The following BCL2L1 variants were observed in gnomAD, a reference collection of about 807,000 sequenced individuals.
BCL2L1 encodes bcl-2-like protein 1.
Under a neutral mutation model 18.7 loss-of-function variants are expected in BCL2L1, and 1 was observed. The ratio of observed to expected loss-of-function variants is 0.05; its 90% CI spans 0.02 to 0.25. The LOEUF (loss-of-function observed/expected upper bound fraction) is 0.25. BCL2L1 is among the 10% of genes least tolerant of loss of function. The pLI, the probability that BCL2L1 is intolerant of heterozygous loss-of-function variation, is 1.00. For synonymous variants in BCL2L1, 103 were observed against 122.7 expected (o/e 0.84, Z 1.06); for missense variants, 207 against 304.9 (o/e 0.68, Z 2.39).
chr20:31,709,555 C>T (rs1017199899), intron 2 of BCL2L1, among the ~76,000 whole-genome samples: 5 of 152,012 alleles, frequency 3.3e-5, no homozygotes, highest in African/African-American at 9.6e-5. Flanking sequence ...AGAGACGAGC[C>T]GGGTGCGGTG....
At chr20:31,721,144 TGCCATACAC>T (rs2061621238) in intron 2 of BCL2L1, among the ~76,000 whole-genome samples, 1 of 151,826 alleles carries the variant, frequency 6.6e-6, no homozygotes, top group South Asian at 2.1e-4. Flanking sequence ...GAGAGGAGAG[TGCCATACAC>T]GCAAACTTTG....
chr20:31,719,280 C>G (rs954570915), intron 2 of BCL2L1, among the ~76,000 whole-genome samples: 6 of 152,126 alleles, frequency 3.9e-5, no homozygotes, highest in Non-Finnish European at 7.4e-5. Flanking sequence ...TAATTTCCTT[C>G]CCCTTTCCTG....
chr20:31,723,745 CGCGAGCCGT>C, upstream of BCL2L1: 1 of 985,418 alleles, frequency 1.0e-6, no homozygotes, highest in Non-Finnish European at 1.2e-6. Context: ...CTGCGAGCCC[CGCGAGCCGT>C]GGGGGGCCAC....
intron 2 of BCL2L1, among the ~76,000 whole-genome samples, chr20:31,694,907 A>T (rs2061142806): frequency 6.6e-6 from 1 of 152,154 alleles, no homozygotes; most frequent in Non-Finnish European, 1.5e-5. Context: ...TCATCTCAAA[A>T]CAACAACAAA....
At chr20:31,714,504 T>C (rs554000802) in intron 2 of BCL2L1, among the ~76,000 whole-genome samples, 4 of 152,162 alleles carry the variant, frequency 2.6e-5, no homozygotes, top group African/African-American at 7.2e-5. Flanking sequence ...TGTGGAAAGA[T>C]AATAAGAATA....
chr20:31,712,075 T>G (rs1406549424), intron 2 of BCL2L1, among the ~76,000 whole-genome samples: 1 of 152,218 alleles, frequency 6.6e-6, no homozygotes. Flanking sequence ...TGGTTTCAAA[T>G]GCTGACTCTG....
At chr20:31,718,293 G>A (rs918910283) in intron 2 of BCL2L1, among the ~76,000 whole-genome samples, 1 of 152,160 alleles carries the variant, frequency 6.6e-6, no homozygotes, top group East Asian at 1.9e-4. Context: ...ACCTGGGGCA[G>A]GCCACCTTCT....
At chr20:31,713,925 T>A (rs2061488263) in intron 2 of BCL2L1, among the ~76,000 whole-genome samples, 1 of 152,220 alleles carries the variant, frequency 6.6e-6, no homozygotes, top group South Asian at 2.1e-4. Context: ...TCTCACCTGA[T>A]TTCTCTCCTT....
chr20:31,674,648 CTGTT>C (rs754123853), intron 2 of BCL2L1, among the ~76,000 whole-genome samples: 4 of 152,148 alleles, frequency 2.6e-5, no homozygotes, highest in East Asian at 1.9e-4. Flanking sequence ...GGTGGGCAGA[CTGTT>C]TGAGCTCAGG....
At chr20:31,709,235 C>T (rs1366885122) in intron 2 of BCL2L1, among the ~76,000 whole-genome samples, 3 of 152,092 alleles carry the variant, frequency 2.0e-5, no homozygotes, top group Non-Finnish European at 4.4e-5. Flanking sequence ...AGCCAGTCTG[C>T]CTCCTCATGA....
chr20:31,719,446 G>A (rs2061589136), intron 2 of BCL2L1, among the ~76,000 whole-genome samples: 1 of 152,126 alleles, frequency 6.6e-6, no homozygotes. Context: ...AGAGGAAGGG[G>A]GCGGGTACCT....
intron 2 of BCL2L1, among the ~76,000 whole-genome samples, chr20:31,689,254 AGGGAGGGAAGGGGAGGGGGAGGGCAG>A (rs2061014023): frequency 3.0e-5 from 2 of 67,060 alleles, no homozygotes; most frequent in Non-Finnish European, 5.8e-5. Context: ...GGGAAGGGAA[AGGGAGGGAAGGGGAGGGGGAGGGCAG>A]GGGAGGGGAG....
At chr20:31,673,916 C>T (rs893872351) in intron 2 of BCL2L1, among the ~76,000 whole-genome samples, 1 of 152,154 alleles carries the variant, frequency 6.6e-6, no homozygotes, top group Non-Finnish European at 1.5e-5. Flanking sequence ...CAGCAGATGC[C>T]ATTCTAAATA....
intron 2 of BCL2L1, among the ~76,000 whole-genome samples, chr20:31,691,277 G>A (rs919481415): frequency 1.3e-5 from 2 of 149,462 alleles, no homozygotes; most frequent in Non-Finnish European, 3.0e-5. Context: ...CCCTATGGAG[G>A]CCAGGCATGG....
chr20:31,696,937 T>C (rs1444739549), intron 2 of BCL2L1, among the ~76,000 whole-genome samples: 1 of 150,902 alleles, frequency 6.6e-6, no homozygotes, highest in Non-Finnish European at 1.5e-5. Context: ...GTGACTGTAA[T>C]CCCAGCTACT....
intron 2 of BCL2L1, among the ~76,000 whole-genome samples, chr20:31,718,668 A>G (rs979475991): frequency 3.3e-5 from 5 of 152,050 alleles, no homozygotes; most frequent in Non-Finnish European, 7.4e-5. Context: ...AAAAAAAAAA[A>G]AAAAGAAAAA....
chr20:31,712,808 T>C (rs970276680), intron 2 of BCL2L1, among the ~76,000 whole-genome samples: 4 of 151,980 alleles, frequency 2.6e-5, no homozygotes, highest in African/African-American at 9.7e-5. Context: ...GAGGGGAATG[T>C]TTCCCTTTCA....
chr20:31,699,114 C>T (rs531587535), intron 2 of BCL2L1, among the ~76,000 whole-genome samples: 6 of 152,312 alleles, frequency 3.9e-5, no homozygotes, highest in African/African-American at 1.4e-4. Flanking sequence ...TGTGAATCCT[C>T]CTGCCTCTCA....
chr20:31,683,035 T>C (rs1181565834), intron 2 of BCL2L1, among the ~76,000 whole-genome samples: 1 of 152,206 alleles, frequency 6.6e-6, no homozygotes, highest in African/African-American at 2.4e-5. Context: ...CAGCTTCTTA[T>C]CGACTCCATG....
Sources: gnomAD v4.1 joint callset for allele counts (sites outside exome capture counted in the v4.1 genomes callset) on GRCh38, gnomAD v4.1.1 for gene constraint, MANE v1.5 for transcripts, NCBI Gene and HGNC (gene_info 2026-07-23, HGNC 2026-07-21) for gene names.